Variants in AMZ1 observed in about 807,000 individuals in gnomAD.
AMZ1 encodes archaelysin family metallopeptidase 1.
In AMZ1, 39 loss-of-function variants were observed where a neutral mutation model predicts 29.9. That is an observed-to-expected ratio of 1.30 (90% CI 1.01 to 1.70). The LOEUF (loss-of-function observed/expected upper bound fraction) is 1.70, where lower values mean the gene tolerates loss of function less well. Ranked by LOEUF, AMZ1 falls within the 40% of genes most tolerant of loss-of-function variation. The pLI, the probability that AMZ1 is intolerant of heterozygous loss-of-function variation, is 0.00. For missense variants in AMZ1, 1,041 were observed against 680.6 expected, an observed-to-expected ratio of 1.53 and a Z score of -5.89; for synonymous variants, 458 against 304.0, an observed-to-expected ratio of 1.51 and a Z score of -5.27.
chr7:2,687,888 C>T (rs1787145651), upstream of AMZ1, among the ~76,000 whole-genome samples: 1 of 152,190 alleles, frequency 6.6e-6, no homozygotes, highest in African/African-American at 2.4e-5. Flanking sequence ...AACTGGTGGC[C>T]TGGTTCACCT....
At chr7:2,734,426 G>T (rs1362765601) in intron 4 of AMZ1, among the ~76,000 whole-genome samples, 2 of 152,270 alleles carry the variant, frequency 1.3e-5, no homozygotes, top group Non-Finnish European at 2.9e-5. Flanking sequence ...GGGCTTGTGG[G>T]AAGAGCAGTC....
At chr7:2,696,097 A>C (rs1180593036) in intron 1 of AMZ1, among the ~76,000 whole-genome samples, 2 of 150,968 alleles carry the variant, frequency 1.3e-5, no homozygotes, top group African/African-American at 4.9e-5. Flanking sequence ...CCCGCCCCCC[A>C]CAACCTCTGA....
chr7:2,708,800 C>T, intron 4 of AMZ1, 84 bp downstream of exon 4: 1 of 1,593,230 alleles, frequency 6.3e-7, no homozygotes, highest in African/African-American at 1.3e-5. Context: ...ACCCTCTTTG[C>T]TTTTGCTTCA....
intron 1 of AMZ1, among the ~76,000 whole-genome samples, chr7:2,693,511 C>G (rs1787529843): frequency 6.6e-6 from 1 of 152,128 alleles, no homozygotes; most frequent in Non-Finnish European, 1.5e-5. Context: ...TCTCGAGTAA[C>G]TAGGACCACA....
intron 1 of AMZ1, 122 bp downstream of exon 1, chr7:2,688,418 CCGGGCGGCGGCGGCTACGGGCGCG>C (rs1359320610): frequency 6.6e-6 from 1 of 152,018 alleles, no homozygotes; most frequent in Non-Finnish European, 1.5e-5. Context: ...CCGAGGGCGC[CCGGGCGGCGGCGGCTACGGGCGCG>C]CGGGGACCGC....
At chr7:2,694,965 G>A (rs1229615424) in intron 1 of AMZ1, among the ~76,000 whole-genome samples, 1 of 152,150 alleles carries the variant, frequency 6.6e-6, no homozygotes, top group Non-Finnish European at 1.5e-5. Context: ...GAGCCATCGC[G>A]TCCGGCCTAT....
chr7:2,712,402 G>C lies in AMZ1; in HGVS notation c.1021G>C (p.Glu341Gln), dbSNP rs1367108829. 6.2e-7 allele frequency: 1 copy of C among 1,611,428 alleles called. No homozygotes were observed. The highest frequency in any genetic ancestry group is 2.2e-5 in the East Asian group (1 of 44,850). The change falls in exon 7 of 7, where the codon GAG (glutamate) becomes CAG (glutamine). Residue 341 changes from glutamate to glutamine, a missense_variant. Physicochemically the swap from Glu to Gln is conservative, Grantham distance 29 (BLOSUM62 2). Transcript: ENST00000683327. Reference sequence around the variant, plus strand: ...GGAGGCGGGGGAGCCGTCAGTGTGGGAGGACACCCCGCCTGCCAGCGCCGA... The same window carrying C: ...GGAGGCGGGGGAGCCGTCAGTGTGGCAGGACACCCCGCCTGCCAGCGCCGA... Reference protein sequence around the residue: ...SQEAGEPSVWEDTPPASADSG... With the variant: ...SQEAGEPSVWQDTPPASADSG...
At chr7:2,696,483 T>C (rs1583152533) in intron 1 of AMZ1, among the ~76,000 whole-genome samples, 1 of 150,476 alleles carries the variant, frequency 6.6e-6, no homozygotes, top group African/African-American at 2.4e-5. Context: ...GGTCTCGATC[T>C]CCTGACCTCG....
intron 1 of AMZ1, among the ~76,000 whole-genome samples, chr7:2,692,258 T>A (rs898754968): frequency 1.3e-5 from 2 of 151,972 alleles, no homozygotes; most frequent in African/African-American, 4.8e-5. Context: ...GGACCGAGCT[T>A]GGCCGGGCGT....
At chr7:2,735,306 T>C (rs1583208803) in intron 4 of AMZ1, among the ~76,000 whole-genome samples, 1 of 152,312 alleles carries the variant, frequency 6.6e-6, no homozygotes, top group East Asian at 1.9e-4. Flanking sequence ...CAAGCCACCC[T>C]TGCCCGTTTC....
At chr7:2,733,816 C>G (rs1277838708) in intron 4 of AMZ1, among the ~76,000 whole-genome samples, 1 of 152,178 alleles carries the variant, frequency 6.6e-6, no homozygotes, top group Non-Finnish European at 1.5e-5. Flanking sequence ...GACATGAAGG[C>G]TGGCCCACTC....
intron 3 of AMZ1, among the ~76,000 whole-genome samples, chr7:2,704,988 G>A (rs34141176): frequency 0.11 from 16,580 of 152,200 alleles, 1,257 homozygotes; most frequent in Non-Finnish European, 0.15. Flanking sequence ...CCGTCTGTCC[G>A]ATGATTACAC....
In AMZ1 at chr7:2,712,903, C is replaced by A; in HGVS notation, c.*25C>A. On this transcript the variant is annotated 3_prime_UTR_variant, in exon 7 of 7. Coordinates refer to ENST00000683327, the MANE Select transcript of AMZ1 (RefSeq NM_001384743.1). ...GTACAGCAGGGGCTGCCCTACGTCT[C>A]CTTCCCTAAGGATGCTGGCCAGCAC... The A allele has an allele frequency of 6.6e-7, 1 of 1,507,844 alleles. No individual in the cohort carries two copies. The highest frequency in any genetic ancestry group is 8.9e-7 in the Non-Finnish European group (1 of 1,128,294). 93.4% of individuals were successfully genotyped at this position (1,507,844 alleles called of 1,614,324 possible).
intron 4 of AMZ1, chr7:2,730,884 A>C: frequency 2.8e-6 from 1 of 358,636 alleles, no homozygotes; most frequent in Non-Finnish European, 5.2e-6. Context: ...GAAAAAGAGG[A>C]ACGTTTCTGT....
Position 2,715,540 on chromosome 7 carries a change from C to T in AMZ1, c.*2662C>T, listed in dbSNP as rs1477806533. 2 of 152,050 alleles carry T rather than the reference C, an allele frequency of 1.3e-5. No homozygotes were observed. Among genetic ancestry groups the T allele is most frequent in the African/African-American group, 4.8e-5 (2 of 41,388 alleles). 9.4% of individuals were successfully genotyped at this position (152,050 alleles called of 1,614,324 possible). ...TTGACCCTCAGCTGTGATGTGTGTC[C>T]CAAAAAAGCGTTTTGAAGTGGGAAG... is the stretch of plus-strand genomic sequence containing the variant. On this transcript the variant is annotated 3_prime_UTR_variant, in exon 7 of 7. Transcript: ENST00000683327.
At chr7:2,747,157 C>T (rs1790807712) in intron 4 of AMZ1, among the ~76,000 whole-genome samples, 1 of 152,080 alleles carries the variant, frequency 6.6e-6, no homozygotes, top group Admixed American at 6.6e-5. Flanking sequence ...GGAATCCTCC[C>T]TAACTCATTT....
intron 4 of AMZ1, among the ~76,000 whole-genome samples, chr7:2,747,185 C>T (rs1019589018): frequency 2.2e-4 from 34 of 152,294 alleles, no homozygotes; most frequent in Middle Eastern, 3.4e-3. Flanking sequence ...CCAGCATCAT[C>T]CTGATACCAA....
chr7:2,692,911 CT>C (rs1451131829), intron 1 of AMZ1, among the ~76,000 whole-genome samples: 1 of 152,230 alleles, frequency 6.6e-6, no homozygotes, highest in African/African-American at 2.4e-5. Context: ...CGGCTGTCCC[CT>C]GAGCCCCCAG....
upstream of AMZ1, among the ~76,000 whole-genome samples, chr7:2,685,778 G>A (rs1208137065): frequency 6.7e-6 from 1 of 149,824 alleles, no homozygotes; most frequent in Non-Finnish European, 1.5e-5. Flanking sequence ...GTGTGAACCC[G>A]GGAGGTGGAG....
Sources: gnomAD v4.1 joint callset for allele counts (sites outside exome capture counted in the v4.1 genomes callset) on GRCh38, gnomAD v4.1.1 for gene constraint, MANE v1.5 for transcripts, NCBI Gene and HGNC (gene_info 2026-07-23, HGNC 2026-07-21) for gene names.